The following PIK3CB variants were observed in gnomAD, a reference collection of about 807,000 sequenced individuals.
The protein encoded by PIK3CB is phosphatidylinositol-4,5-bisphosphate 3-kinase catalytic subunit beta, also known as phosphatidylinositol 4,5-bisphosphate 3-kinase catalytic subunit beta isoform.
In PIK3CB, 39 loss-of-function variants were observed where a neutral mutation model predicts 136.8. The observed-to-expected ratio is 0.29, with a 90% CI of 0.22 to 0.37. PIK3CB has a LOEUF of 0.37. Among genes scored for constraint, PIK3CB ranks in the 10% least tolerant of loss-of-function variants. PIK3CB has a pLI of 1.00. For missense variants in PIK3CB, 868 were observed against 1,275.4 expected (o/e 0.68, Z 4.87); for synonymous variants, 428 against 436.6 (o/e 0.98, Z 0.25).
At chr3:138,701,084 CTTT>C (rs2044242695) in intron 12 of PIK3CB, among the ~76,000 whole-genome samples, 1 of 151,962 alleles carries the variant, frequency 6.6e-6, no homozygotes, top group East Asian at 1.9e-4. Context: ...ACCTTTACTT[CTTT>C]GATATTCACA....
intron 2 of PIK3CB, among the ~76,000 whole-genome samples, chr3:138,792,352 T>C (rs2046061059): frequency 6.6e-6 from 1 of 151,882 alleles, no homozygotes; most frequent in South Asian, 2.1e-4. Context: ...TTATAATTTT[T>C]TTCATTTTCC....
At chr3:138,671,827 CT>C (rs1387882527) in intron 19 of PIK3CB, among the ~76,000 whole-genome samples, 6 of 152,276 alleles carry the variant, frequency 3.9e-5, no homozygotes, top group African/African-American at 1.4e-4. Flanking sequence ...CCTCTGCATT[CT>C]TTCCCCATTG....
intron 1 of PIK3CB, chr3:138,825,561 TA>T: frequency 1.5e-6 from 1 of 647,320 alleles, no homozygotes; most frequent in Non-Finnish European, 2.8e-6. Context: ...AGCCAAGTGA[TA>T]ACATGCCTTG....
chr3:138,776,361 T>A (rs546240028), intron 2 of PIK3CB, among the ~76,000 whole-genome samples: 80 of 152,240 alleles, frequency 5.3e-4, no homozygotes, highest in African/African-American at 1.9e-3. Context: ...GGATTAAAAA[T>A]GTTTTGGATA....
At chr3:138,815,356 CAAA>C (rs56785236) in intron 1 of PIK3CB, among the ~76,000 whole-genome samples, 3 of 26,486 alleles carry the variant, frequency 1.1e-4, no homozygotes, top group Non-Finnish European at 2.2e-4. Flanking sequence ...CATCCTGTCT[CAAA>C]AAAAAAAAAA....
At chr3:138,832,201 G>T (rs997420520) in intron 1 of PIK3CB, among the ~76,000 whole-genome samples, 1 of 152,144 alleles carries the variant, frequency 6.6e-6, no homozygotes, top group Non-Finnish European at 1.5e-5. Flanking sequence ...AGCCTTTATG[G>T]ATGAGTCTTT....
At chr3:138,763,692 G>A (rs1389452209) in intron 2 of PIK3CB, among the ~76,000 whole-genome samples, 1 of 152,194 alleles carries the variant, frequency 6.6e-6, no homozygotes, top group Non-Finnish European at 1.5e-5. Flanking sequence ...AATGCCCAGA[G>A]CAGCAATCTT....
intron 8 of PIK3CB, among the ~76,000 whole-genome samples, chr3:138,715,755 G>A (rs1419885292): frequency 6.6e-6 from 1 of 151,366 alleles, no homozygotes; most frequent in Non-Finnish European, 1.5e-5. Context: ...ATATAATTAT[G>A]AGTTTAAAAC....
chr3:138,711,999 C>A (rs2044512147), intron 10 of PIK3CB, among the ~76,000 whole-genome samples: 1 of 150,744 alleles, frequency 6.6e-6, no homozygotes. Flanking sequence ...GATTTTAAAC[C>A]AAAACAAAAT....
chr3:138,738,178 CT>C (rs914327442), intron 5 of PIK3CB, among the ~76,000 whole-genome samples: 45 of 146,858 alleles, frequency 3.1e-4, no homozygotes, highest in Admixed American at 1.0e-3. Context: ...AACATCTCAT[CT>C]TTTTTTTTTT....
At chr3:138,741,142 T>C (rs576067966) in intron 5 of PIK3CB, among the ~76,000 whole-genome samples, 2 of 152,382 alleles carry the variant, frequency 1.3e-5, no homozygotes, top group African/African-American at 2.4e-5. Flanking sequence ...ATAAACTTAC[T>C]TGTTTAGAGA....
chr3:138,674,122 G>C (rs1342267460), intron 19 of PIK3CB, among the ~76,000 whole-genome samples: 1 of 151,662 alleles, frequency 6.6e-6, no homozygotes, highest in Non-Finnish European at 1.5e-5. Flanking sequence ...GTAATTACAT[G>C]TCCATATGGT....
chr3:138,680,589 T>C (rs1347718847), intron 19 of PIK3CB, among the ~76,000 whole-genome samples: 1 of 152,096 alleles, frequency 6.6e-6, no homozygotes, highest in Non-Finnish European at 1.5e-5. Context: ...TATTAATTTA[T>C]AATAGTATAT....
intron 1 of PIK3CB, among the ~76,000 whole-genome samples, chr3:138,801,305 T>C (rs2046172991): frequency 6.6e-6 from 1 of 152,182 alleles, no homozygotes; most frequent in African/African-American, 2.4e-5. Flanking sequence ...TTGTATCAAA[T>C]ATCAGAGCCT....
At chr3:138,655,578 C>A (rs747518310) in intron 23 of PIK3CB, 52 bp from the exon 24 acceptor site, 3 of 1,442,072 alleles carry the variant, frequency 2.1e-6, no homozygotes, top group Non-Finnish European at 2.9e-6. Context: ...TAGAGATGTG[C>A]AAATATCAAA....
rs938566357 is a variant in PIK3CB, at chr3:138,699,005, T to G, written c.1672A>C (p.Ile558Leu). 6.2e-7 allele frequency: 1 copy of G among 1,607,260 alleles called. No individual in the cohort carries two copies. Among genetic ancestry groups the G allele is most frequent in the South Asian group, 1.1e-5 (1 of 90,382 alleles). The change falls in exon 13 of 24, where the codon ATT becomes CTT. Residue 558 changes from isoleucine to leucine, a missense_variant. By Grantham distance (5) the Ile-to-Leu change is conservative (BLOSUM62 2). Around this residue, in one of 4 missense-constraint regions of PIK3CB, gnomAD observed 612 missense variants for 801.1 expected, o/e 0.76. Coordinates refer to ENST00000674063, the MANE Select transcript of PIK3CB (RefSeq NM_006219.3). ...CGGCAGTCTTGTCGCAAAGTCCAAA[T>G]AAGATCCATTTCATTTTCACACAGT... ...SQLCENEMDL[I>L]WTLRQDCREI...
intron 21 of PIK3CB, among the ~76,000 whole-genome samples, chr3:138,658,875 C>A (rs1308218283): frequency 1.3e-5 from 2 of 152,174 alleles, no homozygotes; most frequent in African/African-American, 2.4e-5. Flanking sequence ...AACAAATCTA[C>A]AAATCATTTT....
intron 1 of PIK3CB, among the ~76,000 whole-genome samples, chr3:138,813,893 C>A (rs1342861599): frequency 6.6e-6 from 1 of 152,044 alleles, no homozygotes; most frequent in Non-Finnish European, 1.5e-5. Flanking sequence ...GTAAGATACA[C>A]AAGTGGGGCC....
intron 2 of PIK3CB, among the ~76,000 whole-genome samples, chr3:138,766,134 T>G (rs995394463): frequency 6.6e-6 from 1 of 152,202 alleles, no homozygotes; most frequent in African/African-American, 2.4e-5. Flanking sequence ...GCACCCTCAC[T>G]GTGTTGCAAT....
Sources: gnomAD v4.1 joint callset for allele counts (sites outside exome capture counted in the v4.1 genomes callset) on GRCh38, gnomAD v4.1.1 for gene constraint, gnomAD v4.1.1 regional missense constraint, MANE v1.5 for transcripts, NCBI Gene and HGNC (gene_info 2026-07-23, HGNC 2026-07-21) for gene names.